The following PDGFRA variants were observed in gnomAD, a reference collection of about 807,000 sequenced individuals.
PDGFRA encodes platelet derived growth factor receptor alpha.
Under a neutral mutation model 121.5 loss-of-function variants are expected in PDGFRA, and 25 were observed. The ratio of observed to expected loss-of-function variants is 0.21; its 90% CI spans 0.15 to 0.29. PDGFRA has a LOEUF of 0.29. PDGFRA is among the 10% of genes least tolerant of loss of function. The probability of loss-of-function intolerance (pLI) is 1.00; values close to 1 mark genes in which losing one functional copy is unlikely to be tolerated. For missense variants in PDGFRA, 1,008 were observed against 1,345.1 expected (o/e 0.75, Z 3.92); for synonymous variants, 463 against 494.8 (o/e 0.94, Z 0.85).
At chr4:54,289,307 G>A (rs1268799951) in intron 21 of PDGFRA, among the ~76,000 whole-genome samples, 193 bp downstream of exon 21, 1 of 152,096 alleles carries the variant, frequency 6.6e-6, no homozygotes, top group Non-Finnish European at 1.5e-5. Context: ...CCTTCCCGTG[G>A]GGCTTTCCTT....
rs776099721 is a variant in PDGFRA at position 54,285,850 on chromosome 4, C to T, written c.2449C>T (p.Arg817Cys). ...EFLASKNCVHRDLAARNVLLA... is the reference protein window; with the variant it reads ...EFLASKNCVHCDLAARNVLLA... ...TTCCTTTTCCATGCAGTGTGTCCAC[C>T]GTGATCTGGCTGCTCGCAACGTCCT... The change falls in exon 18 of 23, where the codon CGT becomes TGT. Residue 817 changes from arginine to cysteine, a missense_variant. Physicochemically the swap from Arg to Cys is radical, Grantham distance 180. Coordinates refer to ENST00000257290, the MANE Select transcript of PDGFRA (RefSeq NM_006206.6). 5.6e-6 allele frequency: 9 copies of T among 1,613,956 alleles called. No homozygotes were observed. The highest frequency in any genetic ancestry group is 6.8e-6 in the Non-Finnish European group (8 of 1,179,972).
At chr4:54,248,762 C>T (rs1168396360) in intron 1 of PDGFRA, among the ~76,000 whole-genome samples, 1 of 152,116 alleles carries the variant, frequency 6.6e-6, no homozygotes, top group Non-Finnish European at 1.5e-5. Context: ...AAAGAAACTA[C>T]CATCAGAGTG....
chr4:54,264,577 A>G (rs73252947), intron 4 of PDGFRA: 2 of 338,146 alleles, frequency 5.9e-6, no homozygotes, highest in East Asian at 7.9e-5. Flanking sequence ...AGCAGTGTGG[A>G]TCAGCAAATG....
At chr4:54,251,930 A>T (rs1466620712) in intron 1 of PDGFRA, among the ~76,000 whole-genome samples, 1 of 152,280 alleles carries the variant, frequency 6.6e-6, no homozygotes, top group African/African-American at 2.4e-5. Context: ...GCCAAATTTC[A>T]TAAGATTAAA....
At chr4:54,293,225 T>C (rs936566811) in intron 22 of PDGFRA, among the ~76,000 whole-genome samples, 1 of 150,802 alleles carries the variant, frequency 6.6e-6, no homozygotes, top group African/African-American at 2.5e-5. Context: ...GATTACATCC[T>C]TGAAGTGTCC....
At chr4:54,248,468 G>T (rs1234940479) in intron 1 of PDGFRA, among the ~76,000 whole-genome samples, 1 of 152,156 alleles carries the variant, frequency 6.6e-6, no homozygotes, top group African/African-American at 2.4e-5. Context: ...AATGGGGAAA[G>T]GATTCTTTAT....
intron 1 of PDGFRA, among the ~76,000 whole-genome samples, chr4:54,254,754 G>C (rs1722263305): frequency 6.6e-6 from 1 of 152,122 alleles, no homozygotes; most frequent in Non-Finnish European, 1.5e-5. Context: ...GGTAAATCAG[G>C]CTGGCCAGCC....
chr4:54,255,506 C>CTTTTTT (rs375357866), intron 1 of PDGFRA, among the ~76,000 whole-genome samples: 1 of 138,118 alleles, frequency 7.2e-6, no homozygotes, highest in African/African-American at 2.7e-5. Context: ...TCTCCCCTTT[C>CTTTTTT]TTTTTTTTTT....
At chr4:54,278,707 G>A in intron 15 of PDGFRA, 192 bp downstream of exon 15, 1 of 670,014 alleles carries the variant, frequency 1.5e-6, no homozygotes, top group East Asian at 2.8e-5. Context: ...GTTTTGGACT[G>A]GGGTGTCACA....
intron 1 of PDGFRA, among the ~76,000 whole-genome samples, chr4:54,241,958 C>G (rs1056479696): frequency 3.3e-5 from 5 of 152,198 alleles, no homozygotes; most frequent in African/African-American, 1.2e-4. Flanking sequence ...GAAATATTGA[C>G]TTTTAATTCT....
In PDGFRA at chr4:54,274,860, G is replaced by A. The variant is rs761924292; in HGVS notation, c.1673G>A (p.Arg558His). 94 of 1,613,936 alleles carry A rather than the reference G, an allele frequency of 5.8e-5. No individual in the cohort carries two copies. The highest frequency in any genetic ancestry group is 7.1e-5 in the Non-Finnish European group (84 of 1,179,968). Residue 558 changes from arginine (R) to histidine (H), a missense_variant, in exon 12 of 23, where the codon CGC becomes CAC. This residue lies in a region of PDGFRA where 575 missense variants were observed against 701.8 expected (regional missense o/e 0.82). Coordinates refer to ENST00000257290, the MANE Select transcript of PDGFRA (RefSeq NM_006206.6). Reference protein sequence around the residue: ...IWKQKPRYEIRWRVIESISPD... With the variant: ...IWKQKPRYEIHWRVIESISPD... ...TTATAGAAACCGAGGTATGAAATTC[G>A]CTGGAGGGTCATTGAATCAATCAGC...
rs181356800 is a variant in PDGFRA, at chr4:54,263,331, C to T, written c.368-336C>T. On this transcript the variant is annotated intron_variant, in intron 3 of 22. Transcript: ENST00000257290. ...GTAGAGACAGGGTCTCTCTATGTTG[C>T]CCAGGCTGGTCTCAAACTCCTGAAC... 3.7e-3 allele frequency among the ~76,000 whole-genome samples: 569 copies of T among 152,126 alleles called. 2 individuals are homozygous for T. Among genetic ancestry groups the T allele is most frequent in the Middle Eastern group, 6.8e-3 (2 of 294 alleles).
intron 4 of PDGFRA, 159 bp from the exon 5 acceptor site, chr4:54,264,760 C>T: frequency 1.6e-6 from 1 of 626,792 alleles, no homozygotes; most frequent in East Asian, 2.8e-5. Flanking sequence ...CACCATCTCA[C>T]AATCAAGCCT....
intron 3 of PDGFRA, among the ~76,000 whole-genome samples, chr4:54,261,927 ATATAT>A (rs1239213309): frequency 7.5e-4 from 63 of 84,396 alleles, no homozygotes; most frequent in Admixed American, 1.8e-3. Context: ...ATATATATAT[ATATAT>A]TTTTTTTTTT....
chr4:54,250,374 A>G (rs1721984690), intron 1 of PDGFRA, among the ~76,000 whole-genome samples: 1 of 152,348 alleles, frequency 6.6e-6, no homozygotes, highest in Admixed American at 6.5e-5. Flanking sequence ...CCTTCTAGAT[A>G]TTAGGTCCCC....
chr4:54,290,916 G>C (rs1409520771), intron 22 of PDGFRA, among the ~76,000 whole-genome samples: 1 of 152,156 alleles, frequency 6.6e-6, no homozygotes, highest in South Asian at 2.1e-4. Context: ...TGGGGAAAAA[G>C]TGAAGAGAGG....
chr4:54,290,867 A>G (rs1281104437), intron 22 of PDGFRA, among the ~76,000 whole-genome samples: 1 of 152,212 alleles, frequency 6.6e-6, no homozygotes, highest in Admixed American at 6.5e-5. Context: ...CTGAGATCAT[A>G]TAAGCCTCTC....
chr4:54,260,765 A>G (rs917145169), intron 2 of PDGFRA, among the ~76,000 whole-genome samples: 2 of 152,002 alleles, frequency 1.3e-5, no homozygotes, highest in African/African-American at 2.4e-5. Flanking sequence ...TAAAGAACCC[A>G]TATGTGCTTG....
At chr4:54,236,323 G>A (rs1480192043) in intron 1 of PDGFRA, among the ~76,000 whole-genome samples, 3 of 152,196 alleles carry the variant, frequency 2.0e-5, no homozygotes, top group African/African-American at 7.2e-5. Context: ...ACTAATTAAG[G>A]ATGAGCATTT....
Sources: gnomAD v4.1 joint callset for allele counts (sites outside exome capture counted in the v4.1 genomes callset) on GRCh38, gnomAD v4.1.1 for gene constraint, gnomAD v4.1.1 regional missense constraint, MANE v1.5 for transcripts, NCBI Gene and HGNC (gene_info 2026-07-23, HGNC 2026-07-21) for gene names.